Variants in PARD6B observed in about 807,000 individuals in gnomAD.
The protein encoded by PARD6B is partitioning defective 6 homolog beta.
Under a neutral mutation model 10.5 loss-of-function variants are expected in PARD6B, and 4 were observed. The observed-to-expected ratio is 0.38, with a 90% CI of 0.19 to 0.87. The LOEUF (loss-of-function observed/expected upper bound fraction) is 0.87. Among genes scored for constraint, PARD6B ranks in the 40% least tolerant of loss-of-function variants. The probability of loss-of-function intolerance (pLI) is 0.41; values close to 1 mark genes in which losing one functional copy is unlikely to be tolerated. For missense variants in PARD6B, 396 were observed against 470.6 expected (o/e 0.84, Z 1.47); for synonymous variants, 169 against 170.4 (o/e 0.99, Z 0.07).
chr20:50,746,066 G>GTTT (rs5841809), intron 2 of PARD6B, among the ~76,000 whole-genome samples: 1 of 147,046 alleles, frequency 6.8e-6, no homozygotes, highest in African/African-American at 2.5e-5. Flanking sequence ...TTATGTAGAA[G>GTTT]TTTTTTTTTT....
At chr20:50,744,451 T>C (rs918922250) in intron 2 of PARD6B, among the ~76,000 whole-genome samples, 2 of 152,124 alleles carry the variant, frequency 1.3e-5, no homozygotes, top group Admixed American at 6.6e-5. Flanking sequence ...TCCACGTCCT[T>C]CTCCAGCCTG....
intron 1 of PARD6B, 57 bp from the exon 2 acceptor site, chr20:50,737,800 A>ACC: frequency 8.2e-7 from 1 of 1,218,516 alleles, no homozygotes; most frequent in Non-Finnish European, 1.1e-6. Context: ...GCATTTTCAA[A>ACC]TTGGGTCCTT....
At chr20:50,742,249 G>C (rs1328275247) in intron 2 of PARD6B, among the ~76,000 whole-genome samples, 1 of 151,798 alleles carries the variant, frequency 6.6e-6, no homozygotes, top group Non-Finnish European at 1.5e-5. Flanking sequence ...TTGCCATGTT[G>C]GCCAGACTGT....
At position 50,751,917 on chromosome 20, in the gene PARD6B, G is replaced by C; in HGVS notation, c.*1429G>C. ...TGGAGTTTCACCATGTTGGTCAGGTGGGTCTCAAACTCCTGACCTCAAGTG... is the reference window on the plus strand; with the variant it reads ...TGGAGTTTCACCATGTTGGTCAGGTCGGTCTCAAACTCCTGACCTCAAGTG... On this transcript the variant is annotated 3_prime_UTR_variant, in exon 3 of 3. Coordinates refer to ENST00000371610, the MANE Select transcript of PARD6B (RefSeq NM_032521.3). 1.1e-6 allele frequency: 1 copy of C among 909,116 alleles called. No homozygotes were observed. The highest frequency in any genetic ancestry group is 1.3e-6 in the Non-Finnish European group (1 of 761,036). The allele number at this position is 909,116 out of a possible 1,614,324, so 56.3% of individuals were successfully genotyped here.
In PARD6B at chr20:50,749,683, G is replaced by A. The variant is rs1449850295; in HGVS notation, c.314G>A (p.Gly105Asp). Residue 105 changes from glycine to aspartate, a missense_variant, in exon 3 of 3, where the codon GGT (glycine) becomes GAT (aspartate). This residue lies in a region of PARD6B where 208 missense variants were observed against 300.9 expected (regional missense o/e 0.69). Transcript: ENST00000371610. ...KKEEADYSAF[G>D]TDTLIKKKNV... is the part of the protein sequence containing the mutation. The stretch of plus-strand genomic sequence containing the variant: ...GAAGAAGCAGACTACAGTGCCTTTG[G>A]TACAGACACGCTAATAAAGAAGAAG... 1 of 1,605,452 alleles carries A rather than the reference G, an allele frequency of 6.2e-7. No homozygotes were observed. Among genetic ancestry groups the A allele is most frequent in the African/African-American group, 1.3e-5 (1 of 74,340 alleles).
Position 50,750,754 on chromosome 20 carries a change from T to C in PARD6B, c.*266T>C. 2 of 1,215,202 alleles carry C rather than the reference T, an allele frequency of 1.6e-6. No homozygotes were observed. Among genetic ancestry groups the C allele is most frequent in the Non-Finnish European group, 2.1e-6 (2 of 971,312 alleles). The allele number at this position is 1,215,202 out of a possible 1,614,324, so 75.3% of individuals were successfully genotyped here. On this transcript the variant is annotated 3_prime_UTR_variant, in exon 3 of 3. Transcript: ENST00000371610. Reference sequence around the variant, plus strand: ...GTTTTGTCTGTGGAGAATCAGATGTTAAAGCACATTCTTGGAACTATGTGA... The same window carrying C: ...GTTTTGTCTGTGGAGAATCAGATGTCAAAGCACATTCTTGGAACTATGTGA...
At position 50,731,851 on chromosome 20, in the gene PARD6B, A is replaced by G; in HGVS notation, c.65A>G (p.Lys22Arg). Residue 22 changes from lysine to arginine, a missense_variant and splice_region_variant, in exon 1 of 3, where the codon AAG becomes AGG. Transcript: ENST00000371610. ...CTGGGCACTATGGAGGTGAAGAGCA[A>G]GGTGCGCGGGGCCCGGGCTGGGCGG... ...GCLGTMEVKS[K>R]FGAEFRRFSL... 6.9e-7 allele frequency: 1 copy of G among 1,452,032 alleles called. No individual in the cohort carries two copies. Among genetic ancestry groups the G allele is most frequent in the Non-Finnish European group, 9.0e-7 (1 of 1,106,500 alleles). The allele number at this position is 1,452,032 out of a possible 1,614,324, so 89.9% of individuals were successfully genotyped here.
chr20:50,748,896 G>T (rs1006614563), intron 2 of PARD6B, among the ~76,000 whole-genome samples: 3 of 152,006 alleles, frequency 2.0e-5, no homozygotes, highest in Admixed American at 2.0e-4. Context: ...TTTTAAGGCC[G>T]GACACAGTAG....
At chr20:50,746,825 C>T (rs2087569985) in intron 2 of PARD6B, among the ~76,000 whole-genome samples, 1 of 152,132 alleles carries the variant, frequency 6.6e-6, no homozygotes, top group Admixed American at 6.5e-5. Context: ...TCTGGAATTT[C>T]CCTTATAAAT....
intron 2 of PARD6B, among the ~76,000 whole-genome samples, chr20:50,747,489 CTTTTTTT>C (rs58629233): frequency 6.9e-4 from 23 of 33,352 alleles, no homozygotes; most frequent in African/African-American, 1.8e-3. Flanking sequence ...TTCTTTCTTT[CTTTTTTT>C]TTTTTTTTTT....
At chr20:50,736,530 G>A (rs965205488) in intron 1 of PARD6B, among the ~76,000 whole-genome samples, 1 of 152,124 alleles carries the variant, frequency 6.6e-6, no homozygotes, top group African/African-American at 2.4e-5. Context: ...ATTCCCAAGA[G>A]CATAATTATG....
intron 2 of PARD6B, among the ~76,000 whole-genome samples, chr20:50,745,435 G>A (rs2123705746): frequency 6.6e-6 from 1 of 151,428 alleles, no homozygotes; most frequent in South Asian, 2.1e-4. Context: ...AAAGTTGCCA[G>A]ATCTATCTCA....
Position 50,750,943 on chromosome 20 carries a change from ATTTTATTTTGATTTTTTT to A in PARD6B, c.*460_*477del. 2 of 476,550 alleles carry A rather than the reference ATTTTATTTTGATTTTTTT, an allele frequency of 4.2e-6. No homozygotes were observed. The highest frequency in any genetic ancestry group is 5.0e-6 in the Non-Finnish European group (2 of 400,586). 29.5% of individuals were successfully genotyped at this position (476,550 alleles called of 1,614,324 possible). ...CTCTTAAAGGTCTCATGTTCCCAAT[ATTTTATTTTGATTTTTTT>A]TTTTTTTTTTTTTTTTTTTTTTTTT... On this transcript the variant is annotated 3_prime_UTR_variant, in exon 3 of 3. Coordinates refer to ENST00000371610, the MANE Select transcript of PARD6B (RefSeq NM_032521.3).
In PARD6B at chr20:50,752,830, T is replaced by C. The variant is rs190963477; in HGVS notation, c.*2342T>C. ...GTTCACATTACCACTAAGCATATTA[T>C]CAGTAAACTATTAACTGACTGCACA... On this transcript the variant is annotated 3_prime_UTR_variant, in exon 3 of 3. Coordinates refer to ENST00000371610, the MANE Select transcript of PARD6B (RefSeq NM_032521.3). The C allele has an allele frequency of 5.1e-4, 500 of 979,442 alleles. 3 individuals carry two copies. In the African/African-American group the frequency reaches 7.7e-3, roughly 15 times the overall value. The allele number at this position is 979,442 out of a possible 1,614,324, so 60.7% of individuals were successfully genotyped here.
At chr20:50,740,178 A>G (rs571265722) in intron 2 of PARD6B, among the ~76,000 whole-genome samples, 1 of 152,372 alleles carries the variant, frequency 6.6e-6, no homozygotes, top group South Asian at 2.1e-4. Context: ...AGTGATAGTT[A>G]AAATTTTGGG....
At position 50,743,022 on chromosome 20, in the gene PARD6B, G is replaced by A. The variant is rs536293538; in HGVS notation, c.289+4943G>A. Reference sequence around the variant, plus strand: ...TATCCTAATTGATTCGGGAGATGGGGAAGAGAAGGTACAGAATAGACTTTC... The same window carrying A: ...TATCCTAATTGATTCGGGAGATGGGAAAGAGAAGGTACAGAATAGACTTTC... On this transcript the variant is annotated intron_variant, in intron 2 of 2. Transcript: ENST00000371610. 1.0e-3 allele frequency among the ~76,000 whole-genome samples: 157 copies of A among 152,322 alleles called. 1 individual carries two copies. The highest frequency in any genetic ancestry group is 3.7e-3 in the African/African-American group (155 of 41,586).
At chr20:50,731,897 G>C in intron 1 of PARD6B, 45 bp downstream of exon 1, 4 of 1,361,726 alleles carry the variant, frequency 2.9e-6, no homozygotes, top group Admixed American at 3.6e-5. Flanking sequence ...CTGGGGGGCC[G>C]GGGCCTGGGA....
Position 50,753,714 on chromosome 20 carries a change from A to G in PARD6B, c.*3226A>G. ...GCTTTAGTTGTATATTATTTTTTAC[A>G]AATAAAGATAGACTTGTATAAAGGC... On this transcript the variant is annotated 3_prime_UTR_variant, in exon 3 of 3. Transcript: ENST00000371610. 2.9e-6 allele frequency: 2 copies of G among 694,430 alleles called. No individual in the cohort carries two copies. Among genetic ancestry groups the G allele is most frequent in the Non-Finnish European group, 3.5e-6 (2 of 564,226 alleles). 43.0% of individuals were successfully genotyped at this position (694,430 alleles called of 1,614,324 possible). A position where few individuals can be genotyped will look rare whatever the true frequency, so the allele number is the denominator to read the frequency against.
chr20:50,741,154 T>C (rs2087528163), intron 2 of PARD6B, among the ~76,000 whole-genome samples: 1 of 151,982 alleles, frequency 6.6e-6, no homozygotes, highest in Non-Finnish European at 1.5e-5. Context: ...AGAGATGGGG[T>C]GTCACCATGT....
Sources: gnomAD v4.1 joint callset for allele counts (sites outside exome capture counted in the v4.1 genomes callset) on GRCh38, gnomAD v4.1.1 for gene constraint, gnomAD v4.1.1 regional missense constraint, MANE v1.5 for transcripts, NCBI Gene and HGNC (gene_info 2026-07-23, HGNC 2026-07-21) for gene names.